Variants in UTP15 observed in about 807,000 individuals in gnomAD.
The protein encoded by UTP15 is U3 small nucleolar RNA-associated protein 15 homolog.
UTP15 carries 5 observed loss-of-function variants against 59.1 expected under a neutral mutation model. The ratio of observed to expected loss-of-function variants is 0.08; its 90% CI spans 0.04 to 0.18. The LOEUF (loss-of-function observed/expected upper bound fraction) is 0.18, where lower values mean the gene tolerates loss of function less well. UTP15 is among the 10% of genes least tolerant of loss of function. The probability of loss-of-function intolerance (pLI) is 1.00; values close to 1 mark genes in which losing one functional copy is unlikely to be tolerated. For missense variants in UTP15, 494 were observed against 616.7 expected, an observed-to-expected ratio of 0.80 and a Z score of 2.11; for synonymous variants, 211 against 212.2, an observed-to-expected ratio of 0.99 and a Z score of 0.05.
In UTP15 at chr5:73,581,389, T is replaced by C. The variant is rs1748303085; in HGVS notation, c.*1295T>C. 1.3e-5 allele frequency: 2 copies of C among 152,186 alleles called. No homozygotes were observed. The highest frequency in any genetic ancestry group is 2.9e-5 in the Non-Finnish European group (2 of 68,040). 9.4% of individuals were successfully genotyped at this position (152,186 alleles called of 1,614,324 possible). A position where few individuals can be genotyped will look rare whatever the true frequency, so the allele number is the denominator to read the frequency against. On this transcript the variant is annotated 3_prime_UTR_variant, in exon 13 of 13. Coordinates refer to ENST00000296792, the MANE Select transcript of UTP15 (RefSeq NM_032175.4). ...TTTTTATAAAGAGAGATTCTTATTT[T>C]CTTGGCTTTTTGATGTATCTGTTCC...
intron 2 of UTP15, chr5:73,567,656 A>G (rs562462288): frequency 2.0e-5 from 7 of 352,204 alleles, no homozygotes; most frequent in Non-Finnish European, 3.6e-5. Context: ...AGCACAGAAC[A>G]GATGATCAAT....
rs199694261 is a variant in UTP15 at position 73,570,685 on chromosome 5, C to G, written c.647C>G (p.Pro216Arg). Reference sequence around the variant, plus strand: ...CCAGTGGAGAGTGTCCTACTTTTCCCCTCTGGAGGTCTTCTGGTGTCAGCA... The same window carrying G: ...CCAGTGGAGAGTGTCCTACTTTTCCGCTCTGGAGGTCTTCTGGTGTCAGCA... ...GQPVESVLLFPSGGLLVSAGG... is the reference protein window; with the variant it reads ...GQPVESVLLFRSGGLLVSAGG... The change falls in exon 6 of 13, where the codon CCC (proline) becomes CGC (arginine). Residue 216 changes from proline to arginine, a missense_variant. Transcript: ENST00000296792. The G allele has an allele frequency of 5.6e-6, 9 of 1,614,150 alleles. No individual in the cohort carries two copies. Among genetic ancestry groups the G allele is most frequent in the Non-Finnish European group, 7.6e-6 (9 of 1,180,014 alleles).
intron 5 of UTP15, 90 bp from the exon 6 acceptor site, chr5:73,570,496 C>CT: frequency 7.4e-7 from 1 of 1,352,998 alleles, no homozygotes; most frequent in Non-Finnish European, 1.0e-6. Context: ...TCCATCTAAG[C>CT]TTTTTTTCCT....
In UTP15 at chr5:73,568,345, T is replaced by C. The variant is rs1281694888; in HGVS notation, c.183+18T>C. The C allele has an allele frequency of 6.9e-6, 11 of 1,582,768 alleles. No individual in the cohort carries two copies. The highest frequency in any genetic ancestry group is 8.6e-6 in the Non-Finnish European group (10 of 1,166,768). On this transcript the variant is annotated intron_variant, in intron 3 of 12. Transcript: ENST00000296792. The stretch of plus-strand genomic sequence containing the variant: ...CCTCAAGAGTAAGTATAATATTAAA[T>C]TTCTTTATTTTTCTTTTGTATAGTT...
At chr5:73,567,646 A>G in intron 2 of UTP15, 1 of 368,790 alleles carries the variant, frequency 2.7e-6, no homozygotes, top group Non-Finnish European at 4.9e-6. Flanking sequence ...ACAAATGCCT[A>G]GCACAGAACA....
chr5:73,569,712 T>C, intron 5 of UTP15, 37 bp downstream of exon 5: 7 of 1,495,922 alleles, frequency 4.7e-6, no homozygotes, highest in Non-Finnish European at 6.3e-6. Flanking sequence ...GCAAATAATC[T>C]CACGGGGATG....
At chr5:73,576,087 G>GTT (rs11396356) in intron 7 of UTP15, among the ~76,000 whole-genome samples, 32 of 141,628 alleles carry the variant, frequency 2.3e-4, no homozygotes, top group Admixed American at 1.3e-3. Flanking sequence ...CTGTCCTTCT[G>GTT]TTTTTTTTTT....
In UTP15 at chr5:73,580,587, T is replaced by TACGGCGAC; in HGVS notation, c.*493_*494insACGGCGAC. 5 of 151,572 alleles carry TACGGCGAC rather than the reference T, an allele frequency of 3.3e-5. No homozygotes were observed. Among genetic ancestry groups the TACGGCGAC allele is most frequent in the South Asian group, 2.1e-4 (1 of 4,760 alleles). 9.4% of individuals were successfully genotyped at this position (151,572 alleles called of 1,614,324 possible). ...AGGCCCTTGCTTAGCTTGCTTCCTGTCTCCTTGATATCTACACTTGTCTTA... is the reference window on the plus strand; with the variant it reads ...AGGCCCTTGCTTAGCTTGCTTCCTGTACGGCGACCTCCTTGATATCTACACTTGTCTTA... On this transcript the variant is annotated 3_prime_UTR_variant, in exon 13 of 13. Transcript: ENST00000296792.
At chr5:73,572,375 T>C (rs2112045666) in intron 6 of UTP15, 114 bp from the exon 7 acceptor site, 12 of 1,379,284 alleles carry the variant, frequency 8.7e-6, no homozygotes, top group Middle Eastern at 4.5e-4. Context: ...TGGCCTGGAC[T>C]CCCTCACTCA....
In UTP15 at chr5:73,571,361, A is replaced by G. The variant is rs544249887; in HGVS notation, c.673+650A>G. 2.6e-5 allele frequency among the ~76,000 whole-genome samples: 4 copies of G among 151,948 alleles called. No homozygotes were observed. The East Asian group carries it at 5.8e-4, about 22-fold the overall frequency. ...TAGAGAAAGGAGATAATGTGGCCTCAAAAGGGGCCTTGGTACATTTTTCAA... is the reference window on the plus strand; with the variant it reads ...TAGAGAAAGGAGATAATGTGGCCTCGAAAGGGGCCTTGGTACATTTTTCAA... On this transcript the variant is annotated intron_variant, in intron 6 of 12. Coordinates refer to ENST00000296792, the MANE Select transcript of UTP15 (RefSeq NM_032175.4).
At chr5:73,569,093 G>A (rs1002565417) in intron 4 of UTP15, among the ~76,000 whole-genome samples, 5 of 152,136 alleles carry the variant, frequency 3.3e-5, no homozygotes, top group Non-Finnish European at 5.9e-5. Flanking sequence ...GCCAATGTCC[G>A]TGCTGAAATT....
intron 7 of UTP15, among the ~76,000 whole-genome samples, chr5:73,574,939 A>G (rs2112051085): frequency 6.6e-6 from 1 of 152,360 alleles, no homozygotes; most frequent in East Asian, 1.9e-4. Context: ...CCCTTATTTA[A>G]AATGGCATAT....
Position 73,574,491 on chromosome 5 carries a change from AT to A in UTP15, c.809+1881del, listed in dbSNP as rs34417829. 7.0e-3 allele frequency among the ~76,000 whole-genome samples: 1,022 copies of A among 146,582 alleles called. 7 individuals are homozygous for A. The highest frequency in any genetic ancestry group is 8.1e-3 in the Non-Finnish European group (541 of 66,400). On this transcript the variant is annotated intron_variant, in intron 7 of 12. Coordinates refer to ENST00000296792, the MANE Select transcript of UTP15 (RefSeq NM_032175.4). ...CTAGAATTTACATGATTTATTATTAATTTTTTTTTTTTTTGAGACAGGGTTT... is the reference window on the plus strand; with the variant it reads ...CTAGAATTTACATGATTTATTATTAATTTTTTTTTTTTTGAGACAGGGTTT...
intron 12 of UTP15, 98 bp from the exon 13 acceptor site, chr5:73,579,776 GTTC>G (rs376341681): frequency 9.9e-5 from 62 of 625,474 alleles, no homozygotes; most frequent in Non-Finnish European, 1.4e-4. Context: ...ATTTTTCAGT[GTTC>G]TTATGTTTAA....
At chr5:73,579,516 G>A (rs1277188700) in intron 12 of UTP15, 141 bp downstream of exon 12, 4 of 716,990 alleles carry the variant, frequency 5.6e-6, no homozygotes, top group Non-Finnish European at 9.1e-6. Flanking sequence ...AAAACAACAA[G>A]TCAGTGCAGT....
At chr5:73,578,189 C>T (rs939083161) in intron 9 of UTP15, 184 bp downstream of exon 9, 4 of 567,086 alleles carry the variant, frequency 7.1e-6, no homozygotes, top group South Asian at 6.7e-5. Context: ...ACAAGGACTA[C>T]TTTATGTAAT....
Position 73,580,073 on chromosome 5 carries a change from G to A in UTP15, c.1536G>A (p.Glu512=). The A allele has an allele frequency of 6.2e-7, 1 of 1,613,396 alleles. No individual in the cohort carries two copies. Among genetic ancestry groups the A allele is most frequent in the Non-Finnish European group, 8.5e-7 (1 of 1,179,630 alleles). The change falls in exon 13 of 13, where the codon GAG becomes GAA. Residue 512 remains glutamate (E), a synonymous_variant. Coordinates refer to ENST00000296792, the MANE Select transcript of UTP15 (RefSeq NM_032175.4). ...VLEHTSDGFP[E]NKKIES Reference sequence around the variant, plus strand: ...AACACACATCTGATGGATTTCCAGAGAATAAGAAGATAGAATCATAGTGTC... The same window carrying A: ...AACACACATCTGATGGATTTCCAGAAAATAAGAAGATAGAATCATAGTGTC...
intron 7 of UTP15, 31 bp from the exon 8 acceptor site, chr5:73,576,921 G>T: frequency 6.7e-7 from 1 of 1,493,134 alleles, no homozygotes; most frequent in South Asian, 1.2e-5. Context: ...TTTTCAAGGT[G>T]ATTTTTGACA....
In UTP15 at chr5:73,578,731, A is replaced by G; in HGVS notation, c.1045-20A>G. On this transcript the variant is annotated intron_variant, in intron 9 of 12. Coordinates refer to ENST00000296792, the MANE Select transcript of UTP15 (RefSeq NM_032175.4). ...ACAGATGCTGATTTTCCTTCTCTAT[A>G]AATGTACTTTTCATTGCAGGATGAC... 1 of 1,605,678 alleles carries G rather than the reference A, an allele frequency of 6.2e-7. No homozygotes were observed. Among genetic ancestry groups the G allele is most frequent in the Non-Finnish European group, 8.5e-7 (1 of 1,172,550 alleles).
Sources: gnomAD v4.1 joint callset for allele counts (sites outside exome capture counted in the v4.1 genomes callset) on GRCh38, gnomAD v4.1.1 for gene constraint, MANE v1.5 for transcripts, NCBI Gene and HGNC (gene_info 2026-07-23, HGNC 2026-07-21) for gene names.